The following FAM151B variants were observed in gnomAD, a reference collection of about 807,000 sequenced individuals.
The protein encoded by FAM151B is family with sequence similarity 151 member B.
A neutral mutation model predicts 31.2 loss-of-function variants in FAM151B; 24 were observed. The ratio of observed to expected loss-of-function variants is 0.77; its 90% CI spans 0.56 to 1.08. The LOEUF is 1.08. Among genes scored for constraint, FAM151B ranks in the 50% least tolerant of loss-of-function variants. FAM151B has a pLI of 0.00. For synonymous variants in FAM151B, 105 were observed against 111.4 expected, an observed-to-expected ratio of 0.94 and a Z score of 0.36; for missense variants, 293 against 328.6, an observed-to-expected ratio of 0.89 and a Z score of 0.84.
chr5:80,512,482 T>C (rs1744228181), intron 2 of FAM151B, among the ~76,000 whole-genome samples: 1 of 152,178 alleles, frequency 6.6e-6, no homozygotes, highest in African/African-American at 2.4e-5. Context: ...TAAATGCCCT[T>C]TTAAAAATGA....
chr5:80,533,608 G>T (rs1745347127), intron 5 of FAM151B, among the ~76,000 whole-genome samples: 1 of 151,360 alleles, frequency 6.6e-6, no homozygotes, highest in African/African-American at 2.4e-5. Flanking sequence ...CAATTAACCA[G>T]GTGTGGTGGC....
At chr5:80,488,219 CT>C in intron 1 of FAM151B, 71 bp downstream of exon 1, 3 of 1,490,942 alleles carry the variant, frequency 2.0e-6, no homozygotes, top group Non-Finnish European at 1.8e-6. Context: ...CGTACCCTCC[CT>C]TTGCGGGCTC....
chr5:80,522,102 G>T lies in FAM151B; in HGVS notation c.635G>T (p.Cys212Phe). The change falls in exon 5 of 6, where the codon TGT becomes TTT. Residue 212 changes from cysteine (C) to phenylalanine (F), a missense_variant. Physicochemically the swap from Cys to Phe is radical, Grantham distance 205. Transcript: ENST00000282226. ...PVRAALVRQS[C>F]SQLLWLLKKS... ...AGAGCAGCATTAGTCAGGCAGTCTT[G>T]TTCTCAGTTACTTTGGCTGTTAAAG... 6.2e-7 allele frequency: 1 copy of T among 1,612,952 alleles called. No individual in the cohort carries two copies. The highest frequency in any genetic ancestry group is 1.7e-5 in the Admixed American group (1 of 60,010).
At chr5:80,538,470 C>G (rs1561383761) in intron 5 of FAM151B, among the ~76,000 whole-genome samples, 16 of 123,558 alleles carry the variant, frequency 1.3e-4, no homozygotes, top group African/African-American at 4.3e-4. Context: ...TTCTTTCTTT[C>G]TTTCTTTCTT....
chr5:80,529,485 C>G (rs185793830), intron 5 of FAM151B, among the ~76,000 whole-genome samples: 2 of 151,856 alleles, frequency 1.3e-5, no homozygotes, highest in African/African-American at 4.8e-5. Context: ...ATTGATAGAC[C>G]GCTAGCAAGA....
At chr5:80,525,923 G>T (rs1447478766) in intron 5 of FAM151B, among the ~76,000 whole-genome samples, 1 of 151,606 alleles carries the variant, frequency 6.6e-6, no homozygotes, top group African/African-American at 2.4e-5. Context: ...GTATTTAGAT[G>T]ACCTGTATAT....
chr5:80,504,710 G>A (rs1262413901), intron 2 of FAM151B, among the ~76,000 whole-genome samples: 2 of 151,658 alleles, frequency 1.3e-5, no homozygotes, highest in Non-Finnish European at 2.9e-5. Flanking sequence ...AGTAGAGATG[G>A]GGTTTCACCA....
intron 5 of FAM151B, among the ~76,000 whole-genome samples, chr5:80,531,218 C>T (rs1007308271): frequency 8.5e-5 from 13 of 152,120 alleles, no homozygotes; most frequent in Non-Finnish European, 2.9e-5. Context: ...CTTCCTTACA[C>T]CTTATACAAA....
intron 2 of FAM151B, among the ~76,000 whole-genome samples, chr5:80,504,734 G>A (rs574715428): frequency 3.9e-5 from 6 of 151,972 alleles, no homozygotes; most frequent in East Asian, 1.9e-4. Context: ...TGGCTAGGAT[G>A]GTCTCCATCT....
At chr5:80,494,225 G>A (rs943293330) in intron 1 of FAM151B, among the ~76,000 whole-genome samples, 14 of 152,186 alleles carry the variant, frequency 9.2e-5, no homozygotes, top group African/African-American at 3.4e-4. Flanking sequence ...TATGAAGACT[G>A]TGAGAAGTGC....
intron 5 of FAM151B, among the ~76,000 whole-genome samples, chr5:80,530,918 C>T (rs893955006): frequency 2.0e-5 from 3 of 152,188 alleles, no homozygotes; most frequent in African/African-American, 4.8e-5. Context: ...AAAAAGAGCC[C>T]GCATTGCCAA....
intron 1 of FAM151B, among the ~76,000 whole-genome samples, chr5:80,493,053 T>G (rs761929249): frequency 1.3e-5 from 2 of 152,192 alleles, no homozygotes; most frequent in Non-Finnish European, 2.9e-5. Context: ...ACAGCTAAGT[T>G]GTCAATACAA....
chr5:80,527,917 A>T (rs1358207027), intron 5 of FAM151B, among the ~76,000 whole-genome samples: 1 of 152,086 alleles, frequency 6.6e-6, no homozygotes, highest in East Asian at 1.9e-4. Context: ...AATCTTTTTG[A>T]CTCTTTAGCA....
At chr5:80,511,912 C>T (rs1466840024) in intron 2 of FAM151B, among the ~76,000 whole-genome samples, 4 of 152,136 alleles carry the variant, frequency 2.6e-5, no homozygotes, top group African/African-American at 7.2e-5. Flanking sequence ...TGGCCATTTC[C>T]ACTATTTTAA....
intron 3 of FAM151B, among the ~76,000 whole-genome samples, chr5:80,515,363 T>A (rs1234985392): frequency 6.6e-6 from 1 of 152,174 alleles, no homozygotes; most frequent in Non-Finnish European, 1.5e-5. Context: ...TACCTGAGGG[T>A]AACAGGTAAG....
intron 5 of FAM151B, 119 bp downstream of exon 5, chr5:80,522,257 T>C (rs1744754743): frequency 9.5e-7 from 1 of 1,052,186 alleles, no homozygotes; most frequent in Non-Finnish European, 1.4e-6. Context: ...AGAAAAGGAA[T>C]GAAAACTGAT....
chr5:80,525,930 A>G (rs1295192888), intron 5 of FAM151B, among the ~76,000 whole-genome samples: 1 of 152,052 alleles, frequency 6.6e-6, no homozygotes, highest in Non-Finnish European at 1.5e-5. Flanking sequence ...GATGACCTGT[A>G]TATACTAGGA....
At chr5:80,517,454 T>C (rs1049565214) in intron 3 of FAM151B, among the ~76,000 whole-genome samples, 1 of 152,204 alleles carries the variant, frequency 6.6e-6, no homozygotes, top group Non-Finnish European at 1.5e-5. Flanking sequence ...GTTACACCTT[T>C]TCTTCCAGAA....
intron 3 of FAM151B, among the ~76,000 whole-genome samples, chr5:80,516,162 T>TA (rs1744437960): frequency 6.6e-6 from 1 of 152,136 alleles, no homozygotes; most frequent in Non-Finnish European, 1.5e-5. Context: ...CCGTTTCTAC[T>TA]AAAAATACAA....
Sources: gnomAD v4.1 joint callset for allele counts (sites outside exome capture counted in the v4.1 genomes callset) on GRCh38, gnomAD v4.1.1 for gene constraint, MANE v1.5 for transcripts, NCBI Gene and HGNC (gene_info 2026-07-23, HGNC 2026-07-21) for gene names.